Variants in WLS observed in about 807,000 individuals in gnomAD.
The protein encoded by WLS is Wnt ligand secretion mediator.
WLS carries 23 observed loss-of-function variants against 62.8 expected under a neutral mutation model. That is an observed-to-expected ratio of 0.37 (90% CI 0.26 to 0.52). The LOEUF (loss-of-function observed/expected upper bound fraction) is 0.52. WLS is among the 20% of genes least tolerant of loss of function. WLS has a pLI of 0.92. For synonymous variants in WLS, 246 were observed against 244.1 expected, an observed-to-expected ratio of 1.01 and a Z score of -0.07; for missense variants, 615 against 697.3, an observed-to-expected ratio of 0.88 and a Z score of 1.33.
chr1:68,157,908 C>A (rs180964845), intron 3 of WLS, among the ~76,000 whole-genome samples: 2 of 152,232 alleles, frequency 1.3e-5, no homozygotes, highest in African/African-American at 4.8e-5. Context: ...GATGTTCAAC[C>A]AGTATTTCAA....
chr1:68,178,967 T>C (rs1467793106), intron 2 of WLS, among the ~76,000 whole-genome samples: 3 of 152,180 alleles, frequency 2.0e-5, no homozygotes, highest in Non-Finnish European at 4.4e-5. Flanking sequence ...CTGACTCACC[T>C]AAAAACTGCT....
At chr1:68,225,245 A>T (rs1324317020) in intron 1 of WLS, among the ~76,000 whole-genome samples, 2 of 152,182 alleles carry the variant, frequency 1.3e-5, no homozygotes, top group Non-Finnish European at 2.9e-5. Context: ...TAAATTATAC[A>T]TCATTATTTT....
Position 68,137,852 on chromosome 1 carries a change from T to G in WLS, c.1444A>C (p.Asn482His), listed in dbSNP as rs1229194863. The G allele has an allele frequency of 1.2e-6, 2 of 1,614,002 alleles. No individual in the cohort carries two copies. Among genetic ancestry groups the G allele is most frequent in the Non-Finnish European group, 1.7e-6 (2 of 1,179,902 alleles). The change falls in exon 11 of 12, where the codon AAT becomes CAT. Residue 482 changes from asparagine to histidine, a missense_variant. Transcript: ENST00000262348. ...AFFTGIYGMW[N>H]LYVFALMFLY... ...AACATCAGAGCAAAGACATACAGAT[T>G]CCACATCCCATAGATGCCTGTGAAA...
At chr1:68,229,076 G>A (rs1650294957) in intron 1 of WLS, among the ~76,000 whole-genome samples, 2 of 151,960 alleles carry the variant, frequency 1.3e-5, no homozygotes, top group Admixed American at 1.3e-4. Flanking sequence ...TCTAAGTACT[G>A]AAAGAGTTAC....
intron 2 of WLS, among the ~76,000 whole-genome samples, chr1:68,173,115 T>G (rs1199548204): frequency 6.6e-6 from 1 of 152,220 alleles, no homozygotes; most frequent in African/African-American, 2.4e-5. Context: ...GGAGGATATT[T>G]TCTAAGGAAT....
In WLS at chr1:68,182,180, G is replaced by T. The variant is rs376644322; in HGVS notation, c.379+11775C>A. On this transcript the variant is annotated intron_variant, in intron 2 of 11. Coordinates refer to ENST00000262348, the MANE Select transcript of WLS (RefSeq NM_024911.7). ...GATACTAATTTTAAAATCTTGGAAA[G>T]GTTTTGGAGGAGCCCTACTGTTTCT... is the stretch of plus-strand genomic sequence containing the variant. Among the ~76,000 whole-genome samples the T allele has an allele frequency of 3.7e-4, 56 of 152,306 alleles. 1 individual carries two copies. The highest frequency in any genetic ancestry group is 1.3e-3 in the African/African-American group (53 of 41,568).
chr1:68,114,450 TGATA>T (rs776959762), intron 11 of WLS, among the ~76,000 whole-genome samples: 28 of 152,158 alleles, frequency 1.8e-4, no homozygotes, highest in Non-Finnish European at 3.5e-4. Flanking sequence ...GCAAAGACAA[TGATA>T]GATACCTTTT....
chr1:68,109,952 A>G (rs1430748), intron 11 of WLS, among the ~76,000 whole-genome samples: 68,929 of 144,002 alleles, frequency 0.48, 16,445 homozygotes, highest in Middle Eastern at 0.55. Context: ...TCCTAAACTG[A>G]TGGTGGGGAA....
At chr1:68,231,378 C>T (rs1381638658) in intron 1 of WLS, among the ~76,000 whole-genome samples, 1 of 151,796 alleles carries the variant, frequency 6.6e-6, no homozygotes, top group Non-Finnish European at 1.5e-5. Flanking sequence ...CTCTCCTAAG[C>T]GCCAAAAGAG....
intron 2 of WLS, among the ~76,000 whole-genome samples, chr1:68,179,375 C>T (rs1647418788): frequency 6.6e-6 from 1 of 152,138 alleles, no homozygotes; most frequent in Non-Finnish European, 1.5e-5. Context: ...TGTCAATAGA[C>T]TCATGGTGGG....
chr1:68,188,386 C>T (rs17130557), intron 2 of WLS, among the ~76,000 whole-genome samples: 23,948 of 152,106 alleles, frequency 0.16, 2,100 homozygotes, highest in East Asian at 0.28. Flanking sequence ...ATCCACAGCT[C>T]CCTAAACACA....
At chr1:68,156,977 G>A (rs1470410577) in intron 3 of WLS, among the ~76,000 whole-genome samples, 2 of 152,224 alleles carry the variant, frequency 1.3e-5, no homozygotes, top group Non-Finnish European at 2.9e-5. Flanking sequence ...TTGAGAACTT[G>A]AGGGCGGAAG....
At chr1:68,157,790 G>A (rs141300590) in intron 3 of WLS, among the ~76,000 whole-genome samples, 165 of 152,154 alleles carry the variant, frequency 1.1e-3, no homozygotes, top group African/African-American at 3.8e-3. Flanking sequence ...GCAGTTGCAG[G>A]CAAACACCCT....
chr1:68,126,448 CAG>C (rs1261833639), intron 11 of WLS, 113 bp from the exon 12 acceptor site: 13 of 1,362,848 alleles, frequency 9.5e-6, no homozygotes, highest in Admixed American at 4.0e-5. Context: ...TCTGAGCACA[CAG>C]AGACACCTAG....
chr1:68,125,945 G>T lies in WLS; in HGVS notation c.*281C>A. ...CCCACATGAGGTTTACTAACCAGCTGCTACAGATGTTACTATGTCACTAAT... is the reference window on the plus strand; with the variant it reads ...CCCACATGAGGTTTACTAACCAGCTTCTACAGATGTTACTATGTCACTAAT... On this transcript the variant is annotated 3_prime_UTR_variant, in exon 12 of 12. Transcript: ENST00000262348. 1 of 1,157,952 alleles carries T rather than the reference G, an allele frequency of 8.6e-7. No individual in the cohort carries two copies. Among genetic ancestry groups the T allele is most frequent in the Non-Finnish European group, 1.1e-6 (1 of 939,020 alleles). 71.7% of individuals were successfully genotyped at this position (1,157,952 alleles called of 1,614,324 possible). A position where few individuals can be genotyped will look rare whatever the true frequency, so the allele number is the denominator to read the frequency against.
At chr1:68,135,566 G>T (rs1440874442) in intron 11 of WLS, among the ~76,000 whole-genome samples, 1 of 152,168 alleles carries the variant, frequency 6.6e-6, no homozygotes, top group Non-Finnish European at 1.5e-5. Context: ...ACAACCAAAA[G>T]AATTTATGTA....
intron 4 of WLS, 126 bp from the exon 5 acceptor site, chr1:68,153,779 C>T (rs1646859227): frequency 7.8e-7 from 1 of 1,278,304 alleles, no homozygotes; most frequent in African/African-American, 1.5e-5. Context: ...CAAGAGCTTT[C>T]ACATTCATAG....
chr1:68,154,230 A>G (rs950054355), intron 4 of WLS, among the ~76,000 whole-genome samples: 1 of 152,126 alleles, frequency 6.6e-6, no homozygotes, highest in Admixed American at 6.5e-5. Flanking sequence ...TTTAATCCTC[A>G]TTCTACCCTC....
chr1:68,230,957 C>A (rs867057997), intron 1 of WLS, among the ~76,000 whole-genome samples: 1 of 152,184 alleles, frequency 6.6e-6, no homozygotes, highest in African/African-American at 2.4e-5. Context: ...GCGTTTTCCC[C>A]GCACCCCACA....
Sources: allele counts gnomAD v4.1 joint callset (sites outside exome capture counted in the v4.1 genomes callset), GRCh38; gene constraint gnomAD v4.1.1; transcripts MANE v1.5; gene names NCBI Gene and HGNC (gene_info 2026-07-23, HGNC 2026-07-21).